Variants in ACBD6 observed in about 807,000 individuals in gnomAD.
The protein encoded by ACBD6 is acyl-CoA-binding domain-containing protein 6.
Under a neutral mutation model 37.2 loss-of-function variants are expected in ACBD6, and 28 were observed. That is an observed-to-expected ratio of 0.75 (90% CI 0.56 to 1.03). The LOEUF is 1.03. ACBD6 is among the 50% of genes least tolerant of loss of function. The pLI, the probability that ACBD6 is intolerant of heterozygous loss-of-function variation, is 0.00. For synonymous variants in ACBD6, 113 were observed against 126.8 expected (o/e 0.89, Z 0.73); for missense variants, 340 against 337.4 (o/e 1.01, Z -0.06).
Position 180,502,059 on chromosome 1 carries a change from C to A in ACBD6, c.208G>T (p.Ala70Ser), listed in dbSNP as rs373637252. ...ASREQLLYLYARYKQVKVGNC... is the reference protein window; with the variant it reads ...ASREQLLYLYSRYKQVKVGNC... ...TGCTACTTTACCTGTTTGTACCTGG[C>A]ATACAGGTACAAGAGCTGCTCCCTG... Residue 70 changes from alanine to serine, a missense_variant, in exon 1 of 8, where the codon GCC (alanine) becomes TCC (serine). Physicochemically the swap from Ala to Ser is moderately conservative, Grantham distance 99 (BLOSUM62 1). Coordinates refer to ENST00000367595, the MANE Select transcript of ACBD6 (RefSeq NM_032360.4). 7.1e-5 allele frequency: 114 copies of A among 1,613,692 alleles called. No homozygotes were observed. In the East Asian group the frequency reaches 1.9e-3, roughly 27 times the overall value.
chr1:180,416,944 TATTC>T (rs1239372141), intron 4 of ACBD6, among the ~76,000 whole-genome samples: 1 of 152,154 alleles, frequency 6.6e-6, no homozygotes, highest in Non-Finnish European at 1.5e-5. Context: ...ATTCAACAAA[TATTC>T]AATTCAATTC....
intron 6 of ACBD6, among the ~76,000 whole-genome samples, chr1:180,319,129 G>T (rs750429429): frequency 6.6e-6 from 1 of 152,142 alleles, no homozygotes; most frequent in African/African-American, 2.4e-5. Flanking sequence ...GACTCCTCAA[G>T]TACGGTTAGG....
rs1413483438 is a variant in ACBD6 at position 180,360,494 on chromosome 1, G to A, written c.663+37022C>T. Among the ~76,000 whole-genome samples the A allele has an allele frequency of 2.0e-5, 3 of 152,226 alleles. No individual in the cohort carries two copies. In the East Asian group the frequency reaches 5.8e-4, roughly 29 times the overall value. On this transcript the variant is annotated intron_variant, in intron 6 of 7. Coordinates refer to ENST00000367595, the MANE Select transcript of ACBD6 (RefSeq NM_032360.4). ...TTCACCTGGGAACTTGTTAAAAATG[G>A]AAATTCTCAGGCTCCACCAGAGACC...
At chr1:180,413,606 A>G (rs891622515) in intron 4 of ACBD6, 135 bp from the exon 5 acceptor site, 54 of 652,914 alleles carry the variant, frequency 8.3e-5, no homozygotes, top group Non-Finnish European at 1.3e-4. Flanking sequence ...GAACAGTAAC[A>G]GTTTTTCAGT....
intron 6 of ACBD6, among the ~76,000 whole-genome samples, chr1:180,351,145 TC>T (rs1312098016): frequency 2.5e-4 from 38 of 152,198 alleles, no homozygotes. Context: ...ATTGCAGATA[TC>T]TATTTCCATA....
intron 7 of ACBD6, among the ~76,000 whole-genome samples, chr1:180,291,530 A>G (rs1199974890): frequency 6.6e-6 from 1 of 152,100 alleles, no homozygotes; most frequent in African/African-American, 2.4e-5. Flanking sequence ...ATCTGTTCAA[A>G]TCTTTTGTTC....
intron 6 of ACBD6, among the ~76,000 whole-genome samples, chr1:180,388,780 C>A (rs1281143609): frequency 6.6e-6 from 1 of 151,320 alleles, no homozygotes; most frequent in African/African-American, 2.4e-5. Flanking sequence ...AATGAACAAT[C>A]AGAAAAGGAA....
intron 3 of ACBD6, among the ~76,000 whole-genome samples, chr1:180,467,876 T>C (rs1208694661): frequency 6.6e-6 from 1 of 152,160 alleles, no homozygotes; most frequent in African/African-American, 2.4e-5. Context: ...ATTGTAAACA[T>C]GTACATAAAT....
intron 1 of ACBD6, among the ~76,000 whole-genome samples, chr1:180,497,884 T>G (rs1651799230): frequency 6.6e-6 from 1 of 152,182 alleles, no homozygotes; most frequent in Non-Finnish European, 1.5e-5. Flanking sequence ...TTTCAGATAA[T>G]TGTAGATATT....
At chr1:180,462,056 TAAA>T (rs1177410248) in intron 3 of ACBD6, among the ~76,000 whole-genome samples, 12 of 152,010 alleles carry the variant, frequency 7.9e-5, no homozygotes, top group Non-Finnish European at 1.8e-4. Context: ...GCCAACATGG[TAAA>T]ACCCCATCTC....
intron 6 of ACBD6, among the ~76,000 whole-genome samples, chr1:180,336,132 G>C (rs1233449322): frequency 2.7e-5 from 4 of 150,000 alleles, no homozygotes; most frequent in Non-Finnish European, 5.9e-5. Flanking sequence ...GGATATCCAG[G>C]AATTGAACTC....
At chr1:180,449,987 A>G (rs754627198) in intron 3 of ACBD6, among the ~76,000 whole-genome samples, 7 of 151,390 alleles carry the variant, frequency 4.6e-5, no homozygotes, top group Non-Finnish European at 8.8e-5. Flanking sequence ...TTGACACACT[A>G]GATGTCACAT....
intron 6 of ACBD6, among the ~76,000 whole-genome samples, chr1:180,353,565 C>T: frequency 6.6e-6 from 1 of 151,934 alleles, no homozygotes; most frequent in South Asian, 2.1e-4. Flanking sequence ...TATGTATGCT[C>T]AGACTAAGAT....
intron 2 of ACBD6, among the ~76,000 whole-genome samples, chr1:180,494,404 T>C (rs1035330521): frequency 1.3e-5 from 2 of 152,306 alleles, no homozygotes; most frequent in South Asian, 2.1e-4. Flanking sequence ...AGTAATAATA[T>C]GTTGGCTGGT....
intron 7 of ACBD6, among the ~76,000 whole-genome samples, chr1:180,298,119 G>C (rs1649994098): frequency 6.6e-6 from 1 of 152,062 alleles, no homozygotes; most frequent in South Asian, 2.1e-4. Context: ...ATACCAAATT[G>C]GATTAAAATG....
chr1:180,271,817 C>G, exon 14 of ACBD6: 2 of 1,613,744 alleles, frequency 1.2e-6, no homozygotes, highest in Middle Eastern at 3.3e-4. Context: ...GAGTATGTCC[C>G]TTGTGCTTGT....
intron 6 of ACBD6, among the ~76,000 whole-genome samples, chr1:180,348,713 A>G (rs1479504495): frequency 6.6e-6 from 1 of 152,188 alleles, no homozygotes; most frequent in Non-Finnish European, 1.5e-5. Context: ...TTAATTAAAA[A>G]TCCAGTCCAA....
At chr1:180,422,569 C>T (rs896325244) in intron 4 of ACBD6, among the ~76,000 whole-genome samples, 3 of 152,090 alleles carry the variant, frequency 2.0e-5, no homozygotes, top group Admixed American at 2.0e-4. Context: ...AAATGGCAGA[C>T]AACCACAGCT....
intron 6 of ACBD6, among the ~76,000 whole-genome samples, chr1:180,352,525 AT>A (rs1652458640): frequency 6.6e-6 from 1 of 152,094 alleles, no homozygotes. Flanking sequence ...TGGGTTCAAC[AT>A]TTTTTGGAAG....
Sources: allele counts gnomAD v4.1 joint callset (sites outside exome capture counted in the v4.1 genomes callset), GRCh38; gene constraint gnomAD v4.1.1; transcripts MANE v1.5; gene names NCBI Gene and HGNC (gene_info 2026-07-23, HGNC 2026-07-21).